The following LRRC4C variants were observed in gnomAD, a reference collection of about 807,000 sequenced individuals.
LRRC4C encodes the protein leucine rich repeat containing 4C, also known as leucine-rich repeat-containing protein 4C.
A neutral mutation model predicts 33.6 loss-of-function variants in LRRC4C; 5 were observed. The observed-to-expected ratio is 0.15, with a 90% CI of 0.08 to 0.31. The LOEUF is 0.31. Ranked by LOEUF, LRRC4C falls within the 10% of genes least tolerant of loss-of-function variation. LRRC4C has a pLI of 1.00. For missense variants in LRRC4C, 560 were observed against 796.7 expected, an observed-to-expected ratio of 0.70 and a Z score of 3.58; for synonymous variants, 329 against 302.0, an observed-to-expected ratio of 1.09 and a Z score of -0.93.
At chr11:41,333,270 T>A (rs1289246880) in intron 1 of LRRC4C, among the ~76,000 whole-genome samples, 1 of 152,208 alleles carries the variant, frequency 6.6e-6, no homozygotes, top group Non-Finnish European at 1.5e-5. Context: ...AGTAGAACAC[T>A]TAGCTAAGAG....
intron 1 of LRRC4C, among the ~76,000 whole-genome samples, chr11:40,986,045 T>C (rs1024667197): frequency 6.6e-6 from 1 of 152,148 alleles, no homozygotes; most frequent in African/African-American, 2.4e-5. Flanking sequence ...ATTAGCAAAA[T>C]GAGTAAAACT....
chr11:40,794,651 TA>T (rs1248850346), intron 2 of LRRC4C, among the ~76,000 whole-genome samples: 3 of 152,194 alleles, frequency 2.0e-5, no homozygotes, highest in African/African-American at 7.2e-5. Flanking sequence ...TACTACTTTC[TA>T]AAGGGCCTTG....
chr11:40,594,556 C>T (rs1289005073), intron 3 of LRRC4C, among the ~76,000 whole-genome samples: 1 of 152,094 alleles, frequency 6.6e-6, no homozygotes, highest in Non-Finnish European at 1.5e-5. Context: ...AATATGCAAA[C>T]ATTTTATATG....
intron 1 of LRRC4C, among the ~76,000 whole-genome samples, chr11:41,079,894 C>A (rs1190926113): frequency 6.6e-6 from 1 of 152,138 alleles, no homozygotes; most frequent in Non-Finnish European, 1.5e-5. Flanking sequence ...TTGGATATCC[C>A]TGCTTTAGAG....
chr11:40,461,357 C>T (rs1160031798), intron 3 of LRRC4C, among the ~76,000 whole-genome samples: 1 of 152,074 alleles, frequency 6.6e-6, no homozygotes, highest in Non-Finnish European at 1.5e-5. Context: ...TTAACTTTGA[C>T]TTGCAGCTCT....
intron 3 of LRRC4C, among the ~76,000 whole-genome samples, chr11:40,555,219 T>G (rs1166397329): frequency 3.9e-5 from 6 of 152,170 alleles, no homozygotes; most frequent in Non-Finnish European, 8.8e-5. Flanking sequence ...CCTTCCTTTT[T>G]CTATTTCACT....
chr11:41,022,062 T>C (rs148544423), intron 1 of LRRC4C, among the ~76,000 whole-genome samples: 222 of 151,442 alleles, frequency 1.5e-3, no homozygotes, highest in African/African-American at 5.2e-3. Context: ...TATTCACCAT[T>C]TCTTATCTGG....
chr11:40,615,272 A>G (rs1961686006), intron 3 of LRRC4C, among the ~76,000 whole-genome samples: 1 of 54,746 alleles, frequency 1.8e-5, no homozygotes, highest in Non-Finnish European at 6.1e-5. Flanking sequence ...ATATACACAC[A>G]CACACACATA....
intron 2 of LRRC4C, among the ~76,000 whole-genome samples, chr11:40,818,434 A>C (rs1378956059): frequency 3.9e-5 from 6 of 152,116 alleles, no homozygotes; most frequent in Non-Finnish European, 8.8e-5. Flanking sequence ...AAATATATCA[A>C]ATAAGCTCTG....
chr11:41,249,653 T>C (rs1948576208), intron 1 of LRRC4C, among the ~76,000 whole-genome samples: 1 of 152,176 alleles, frequency 6.6e-6, no homozygotes, highest in Non-Finnish European at 1.5e-5. Flanking sequence ...TGCAGGCCTT[T>C]GCACTTGCTG....
chr11:40,345,491 G>C (rs1239928018), intron 3 of LRRC4C, among the ~76,000 whole-genome samples: 1 of 152,156 alleles, frequency 6.6e-6, no homozygotes, highest in Non-Finnish European at 1.5e-5. Context: ...GAACTGGCTA[G>C]CCATATGCAG....
intron 2 of LRRC4C, among the ~76,000 whole-genome samples, chr11:40,671,799 G>C (rs1386059212): frequency 1.3e-5 from 2 of 151,692 alleles, no homozygotes; most frequent in Non-Finnish European, 2.9e-5. Flanking sequence ...TAATTACTCT[G>C]TTTTATATTT....
At chr11:40,166,154 C>A (rs1357872743) in intron 5 of LRRC4C, among the ~76,000 whole-genome samples, 1 of 152,050 alleles carries the variant, frequency 6.6e-6, no homozygotes, top group Non-Finnish European at 1.5e-5. Context: ...ATGTTTATAG[C>A]AGCACTATGT....
intron 2 of LRRC4C, among the ~76,000 whole-genome samples, chr11:40,794,576 C>T (rs1462767018): frequency 6.6e-6 from 1 of 152,136 alleles, no homozygotes; most frequent in African/African-American, 2.4e-5. Context: ...AGAATAGACG[C>T]TGTTTCCGTC....
At chr11:40,572,367 C>G (rs1401104419) in intron 3 of LRRC4C, among the ~76,000 whole-genome samples, 1 of 152,146 alleles carries the variant, frequency 6.6e-6, no homozygotes. Context: ...AGCAGTATAT[C>G]AGCAAGCATC....
At chr11:41,152,225 G>A (rs374374398) in intron 1 of LRRC4C, among the ~76,000 whole-genome samples, 1 of 152,184 alleles carries the variant, frequency 6.6e-6, no homozygotes, top group Non-Finnish European at 1.5e-5. Context: ...CTGAGTGACT[G>A]ATATTGCATT....
At chr11:41,111,612 T>C (rs7106877) in intron 1 of LRRC4C, among the ~76,000 whole-genome samples, 16,089 of 152,080 alleles carry the variant, frequency 0.11, 878 homozygotes, top group African/African-American at 0.14. Context: ...GACATGAAAG[T>C]CCAGGGTCTC....
intron 3 of LRRC4C, among the ~76,000 whole-genome samples, chr11:40,465,684 G>A (rs1952616240): frequency 1.3e-5 from 2 of 151,946 alleles, no homozygotes; most frequent in Admixed American, 6.6e-5. Flanking sequence ...TGATGAACAA[G>A]CTTATGAATA....
At chr11:40,939,376 T>C (rs1387132636) in intron 1 of LRRC4C, among the ~76,000 whole-genome samples, 3 of 152,196 alleles carry the variant, frequency 2.0e-5, no homozygotes, top group African/African-American at 7.2e-5. Context: ...TATATCTTCT[T>C]TGTAAAACCA....
Sources: gnomAD v4.1 joint callset for allele counts (sites outside exome capture counted in the v4.1 genomes callset) on GRCh38, gnomAD v4.1.1 for gene constraint, MANE v1.5 for transcripts, NCBI Gene and HGNC (gene_info 2026-07-23, HGNC 2026-07-21) for gene names.